Variants in SETD9 observed in about 807,000 individuals in gnomAD.
SETD9 encodes SET domain-containing protein 9.
Under a neutral mutation model 36.4 loss-of-function variants are expected in SETD9, and 37 were observed. The ratio of observed to expected loss-of-function variants is 1.02; its 90% CI spans 0.78 to 1.34. The LOEUF (loss-of-function observed/expected upper bound fraction) is 1.34. Among genes scored for constraint, SETD9 ranks in the 40% most tolerant of loss-of-function variants. The probability of loss-of-function intolerance (pLI) is 0.00; values close to 1 mark genes in which losing one functional copy is unlikely to be tolerated. For synonymous variants in SETD9, 128 were observed against 132.9 expected (o/e 0.96, Z 0.26); for missense variants, 323 against 353.2 (o/e 0.91, Z 0.69).
intron 5 of SETD9, chr5:56,922,806 G>A: frequency 3.4e-6 from 1 of 291,772 alleles, no homozygotes; most frequent in South Asian, 4.7e-5. Flanking sequence ...TTGGGAGTGA[G>A]GGCAGTGGGG....
chr5:56,926,720 T>C (rs1386330032), downstream of SETD9, among the ~76,000 whole-genome samples: 2 of 152,156 alleles, frequency 1.3e-5, no homozygotes, highest in African/African-American at 4.8e-5. Flanking sequence ...TACTCCTTCG[T>C]ATTTGGACAA....
In SETD9 at chr5:56,916,764, T is replaced by C. The variant is rs763473400; in HGVS notation, c.813-51T>C. The C allele has an allele frequency of 2.5e-6, 4 of 1,570,276 alleles. No homozygotes were observed. In the South Asian group the frequency reaches 4.9e-5, roughly 19 times the overall value. On this transcript the variant is annotated intron_variant, in intron 5 of 5. Transcript: ENST00000285947. ...AGCCATCTTGGTTATATTAAAAATATGAGCTTATATTTGTTAATGCTCTAC... is the reference window on the plus strand; with the variant it reads ...AGCCATCTTGGTTATATTAAAAATACGAGCTTATATTTGTTAATGCTCTAC...
downstream of SETD9, chr5:56,921,184 A>T (rs1295671661): frequency 6.6e-6 from 1 of 152,596 alleles, no homozygotes; most frequent in East Asian, 1.9e-4. Context: ...TAAATTATTT[A>T]TACAGACCAG....
chr5:56,922,079 A>T (rs533885142), downstream of SETD9: 32 of 152,776 alleles, frequency 2.1e-4, no homozygotes, highest in Non-Finnish European at 4.7e-4. Flanking sequence ...AAGCTTAAAT[A>T]TACTTCAAGG....
chr5:56,912,645 A>G (rs1368805799), intron 2 of SETD9, among the ~76,000 whole-genome samples: 1 of 152,238 alleles, frequency 6.6e-6, no homozygotes, highest in Non-Finnish European at 1.5e-5. Context: ...ATGTGTCTAC[A>G]TTATTTAATT....
At chr5:56,923,956 T>C in intron 5 of SETD9, 1 of 1,614,110 alleles carries the variant, frequency 6.2e-7, no homozygotes, top group South Asian at 1.1e-5. Context: ...TCCCAAATCT[T>C]GTCTGTTGAG....
chr5:56,918,417 TCA>T (rs887776987), downstream of SETD9, among the ~76,000 whole-genome samples: 4 of 152,148 alleles, frequency 2.6e-5, no homozygotes, highest in Admixed American at 6.5e-5. Context: ...GACATATTCC[TCA>T]TTCTCTTTAG....
chr5:56,921,680 T>C (rs1209754015), downstream of SETD9: 1 of 152,610 alleles, frequency 6.6e-6, no homozygotes, highest in East Asian at 1.9e-4. Flanking sequence ...AGCACAACCT[T>C]GAAGCAACTT....
downstream of SETD9, chr5:56,917,409 C>T: frequency 2.7e-6 from 2 of 733,106 alleles, no homozygotes; most frequent in Non-Finnish European, 3.3e-6. Flanking sequence ...AATGTGAGGT[C>T]ATTATTACTA....
chr5:56,925,171 C>T (rs76800767), intron 5 of SETD9, among the ~76,000 whole-genome samples: 8,482 of 152,166 alleles, frequency 0.056, 806 homozygotes, highest in African/African-American at 0.19. Context: ...TTAAATTATA[C>T]GCTTTATCTC....
chr5:56,924,781 C>T (rs1280433104), intron 5 of SETD9, among the ~76,000 whole-genome samples: 1 of 152,174 alleles, frequency 6.6e-6, no homozygotes, highest in East Asian at 1.9e-4. Context: ...AATTCTTCAT[C>T]CTTATCCAAT....
downstream of SETD9, chr5:56,927,738 T>C (rs1750063341): frequency 6.6e-6 from 1 of 152,176 alleles, no homozygotes; most frequent in African/African-American, 2.4e-5. Flanking sequence ...GACCATGGTT[T>C]ACATTAGGGT....
At chr5:56,913,241 A>G (rs535504053) in intron 3 of SETD9, 107 bp downstream of exon 3, 1 of 1,308,156 alleles carries the variant, frequency 7.6e-7, no homozygotes, top group Non-Finnish European at 1.0e-6. Context: ...ATATAAAGAG[A>G]TGGGGTCTTG....
In SETD9 at chr5:56,909,735, C is replaced by A. The variant is rs199504019; in HGVS notation, c.90C>A (p.His30Gln). The A allele has an allele frequency of 6.2e-7, 1 of 1,610,406 alleles. No individual in the cohort carries two copies. The highest frequency in any genetic ancestry group is 1.3e-5 in the African/African-American group (1 of 74,398). The change falls in exon 1 of 6, where the codon CAC (histidine) becomes CAA (glutamine). Residue 30 changes from histidine to glutamine, a missense_variant. Coordinates refer to ENST00000285947, the MANE Select transcript of SETD9 (RefSeq NM_153706.4). The stretch of plus-strand genomic sequence containing the variant: ...CCTGGATCGCACTGAACCTAAGCCA[C>A]AACCCGAGGTGAGAGGGCGGGACGG... ...FVPWIALNLS[H>Q]NPRTLRYVPE...
intron 5 of SETD9, chr5:56,923,234 T>TTGGCAC: frequency 6.2e-7 from 1 of 1,614,106 alleles, no homozygotes; most frequent in Non-Finnish European, 8.5e-7. Flanking sequence ...AACAGCCATT[T>TTGGCAC]TGGCACTGGT....
rs555903580 is a variant in SETD9 at position 56,922,612 on chromosome 5, T to C, written c.813-2721T>C. ...GTTTAAAGAAACCTACCCCTGCTTT[T>C]ATTAAGAAAATAAAACCAAAAAAAT... On this transcript the variant is annotated intron_variant, in intron 5 of 5. Transcript: ENST00000628593. 58 of 154,546 alleles carry C rather than the reference T, an allele frequency of 3.8e-4. No individual in the cohort carries two copies. The highest frequency in any genetic ancestry group is 6.9e-4 in the Non-Finnish European group (48 of 69,308). The allele number at this position is 154,546 out of a possible 1,614,324, so 9.6% of individuals were successfully genotyped here.
In SETD9 at chr5:56,913,949, C is replaced by A. The variant is rs779082157; in HGVS notation, c.666C>A (p.Asn222Lys). 1 of 1,613,828 alleles carries A rather than the reference C, an allele frequency of 6.2e-7. No homozygotes were observed. Among genetic ancestry groups the A allele is most frequent in the Non-Finnish European group, 8.5e-7 (1 of 1,179,846 alleles). Residue 222 changes from asparagine to lysine, a missense_variant, in exon 4 of 6, where the codon AAC (asparagine) becomes AAA (lysine). Transcript: ENST00000285947. ...DSTWLTSEIH[N>K]PLAVGQYVNN... ...CATGGCTAACGTCAGAAATTCATAA[C>A]CCTCTGGCTGTGGGACAGTATGTCA...
intron 1 of SETD9, chr5:56,910,041 C>T: frequency 4.5e-6 from 6 of 1,324,104 alleles, no homozygotes; most frequent in South Asian, 1.6e-5. Context: ...TTCCCAGTGT[C>T]CGCTGCGCTG....
chr5:56,926,110 A>G (rs900966744), downstream of SETD9, among the ~76,000 whole-genome samples: 4 of 152,168 alleles, frequency 2.6e-5, no homozygotes, highest in African/African-American at 9.6e-5. Flanking sequence ...AAAATGGATT[A>G]TAGACCTAAA....
Sources: gnomAD v4.1 joint callset for allele counts (sites outside exome capture counted in the v4.1 genomes callset) on GRCh38, gnomAD v4.1.1 for gene constraint, MANE v1.5 for transcripts, NCBI Gene and HGNC (gene_info 2026-07-23, HGNC 2026-07-21) for gene names.